The following OPCML variants were observed in gnomAD, a reference collection of about 807,000 sequenced individuals.
OPCML encodes the protein opioid-binding protein/cell adhesion molecule.
OPCML carries 13 observed loss-of-function variants against 37.8 expected under a neutral mutation model. The ratio of observed to expected loss-of-function variants is 0.34; its 90% CI spans 0.22 to 0.55. OPCML has a LOEUF of 0.55. OPCML is among the 20% of genes least tolerant of loss of function. OPCML has a pLI of 0.91. For missense variants in OPCML, 341 were observed against 435.6 expected, an observed-to-expected ratio of 0.78 and a Z score of 1.93; for synonymous variants, 176 against 168.8, an observed-to-expected ratio of 1.04 and a Z score of -0.33.
intron 1 of OPCML, among the ~76,000 whole-genome samples, chr11:133,402,101 C>T (rs1405761563): frequency 6.6e-6 from 1 of 152,110 alleles, no homozygotes; most frequent in Admixed American, 6.5e-5. Flanking sequence ...TTATAAAGAA[C>T]AGATATTTAT....
intron 4 of OPCML, among the ~76,000 whole-genome samples, chr11:132,459,236 T>C (rs928483396): frequency 2.0e-5 from 3 of 152,076 alleles, no homozygotes; most frequent in African/African-American, 4.8e-5. Context: ...GCTGTCAGCC[T>C]TGGACTAGAA....
At chr11:132,850,321 C>T (rs905446323) in intron 2 of OPCML, among the ~76,000 whole-genome samples, 1 of 152,192 alleles carries the variant, frequency 6.6e-6, no homozygotes, top group Non-Finnish European at 1.5e-5. Context: ...CCCTAGCCAT[C>T]TTGAGAAATT....
chr11:133,477,691 G>A (rs982175216), intron 1 of OPCML, among the ~76,000 whole-genome samples: 7 of 152,140 alleles, frequency 4.6e-5, no homozygotes, highest in African/African-American at 9.7e-5. Context: ...TGTCCATCAC[G>A]GGCCAGGCAT....
chr11:132,483,460 A>C (rs1336977409), intron 4 of OPCML, among the ~76,000 whole-genome samples: 2 of 152,308 alleles, frequency 1.3e-5, no homozygotes, highest in African/African-American at 4.8e-5. Flanking sequence ...GTGGGTAGGA[A>C]GAATCAATAT....
intron 1 of OPCML, among the ~76,000 whole-genome samples, chr11:133,153,615 C>T (rs1950017415): frequency 6.6e-6 from 1 of 152,160 alleles, no homozygotes; most frequent in Non-Finnish European, 1.5e-5. Flanking sequence ...CTCAGCTCTT[C>T]TTCCCTGAGA....
At chr11:132,709,316 C>A (rs1784521) in intron 2 of OPCML, among the ~76,000 whole-genome samples, 107,015 of 151,774 alleles carry the variant, frequency 0.71, 37,902 homozygotes, top group Non-Finnish European at 0.75. Context: ...AGAGTTGCAA[C>A]GATAATACAG....
At chr11:133,118,188 T>G in intron 1 of OPCML, 1 of 970,580 alleles carries the variant, frequency 1.0e-6, no homozygotes, top group Non-Finnish European at 1.2e-6. Context: ...CAGTGCCTGT[T>G]TCCATGTGTA....
At chr11:133,060,044 C>G (rs1420347898) in intron 1 of OPCML, among the ~76,000 whole-genome samples, 2 of 152,178 alleles carry the variant, frequency 1.3e-5, no homozygotes, top group Non-Finnish European at 2.9e-5. Flanking sequence ...AGATTTGCCA[C>G]AAACTTTCCA....
rs536368541 is a variant in OPCML at position 133,448,524 on chromosome 11, C to A, written c.61+83740G>T. ...CCAGGCTGGAGTGCAAAGGCGCGAT[C>A]TCGACTCACCGCAACCTCCACCTCC... On this transcript the variant is annotated intron_variant, in intron 1 of 7. Transcript: ENST00000524381. Among the ~76,000 whole-genome samples, 13 of 152,270 alleles carry A rather than the reference C, an allele frequency of 8.5e-5. 1 individual carries two copies. In the East Asian group the frequency reaches 2.3e-3, roughly 27 times the overall value.
intron 1 of OPCML, among the ~76,000 whole-genome samples, chr11:133,011,980 T>C (rs1347834225): frequency 1.3e-5 from 2 of 152,224 alleles, no homozygotes; most frequent in Non-Finnish European, 2.9e-5. Context: ...TGTTCTGTTA[T>C]AGTCTTATTT....
chr11:133,322,179 G>T (rs1388040152), intron 1 of OPCML, among the ~76,000 whole-genome samples: 2 of 152,156 alleles, frequency 1.3e-5, no homozygotes, highest in African/African-American at 4.8e-5. Context: ...CTCAGCATTT[G>T]AATCTACTTA....
intron 3 of OPCML, among the ~76,000 whole-genome samples, chr11:132,592,595 G>A (rs986697782): frequency 6.6e-6 from 1 of 152,206 alleles, no homozygotes; most frequent in African/African-American, 2.4e-5. Context: ...GAGTGAGCAT[G>A]CCCATAGCAA....
chr11:133,053,187 G>A (rs925052890), intron 1 of OPCML, among the ~76,000 whole-genome samples: 1 of 152,214 alleles, frequency 6.6e-6, no homozygotes, highest in African/African-American at 2.4e-5. Context: ...CTACACTGGT[G>A]ATAATGTCAG....
At chr11:132,791,056 G>A (rs371842863) in intron 2 of OPCML, among the ~76,000 whole-genome samples, 6 of 152,104 alleles carry the variant, frequency 3.9e-5, no homozygotes, top group Non-Finnish European at 5.9e-5. Flanking sequence ...CCGTCATTTC[G>A]CTGGACTGGC....
At chr11:132,636,895 TA>T (rs973130563) in intron 3 of OPCML, among the ~76,000 whole-genome samples, 2 of 152,034 alleles carry the variant, frequency 1.3e-5, no homozygotes, top group African/African-American at 4.8e-5. Context: ...ATTTGCAATC[TA>T]AAAAAAGAGA....
At position 132,427,178 on chromosome 11, in the gene OPCML, G is replaced by A. The variant is rs189588214; in HGVS notation, c.917-6885C>T. On this transcript the variant is annotated intron_variant, in intron 7 of 7. Transcript: ENST00000524381. ...AAAGAAAAAAAAAGCCCCTAGGCAA[G>A]TTGAGCTTGTTGACAGCACAGTGAG... 4.6e-5 allele frequency among the ~76,000 whole-genome samples: 7 copies of A among 152,312 alleles called. No individual in the cohort carries two copies. In the East Asian group the frequency reaches 1.2e-3, roughly 25 times the overall value.
chr11:132,788,517 A>G (rs923557366), intron 2 of OPCML, among the ~76,000 whole-genome samples: 10 of 152,252 alleles, frequency 6.6e-5, no homozygotes, highest in Admixed American at 5.2e-4. Flanking sequence ...TCCTCGAGAT[A>G]CCTGTCCTTA....
chr11:132,540,013 T>C (rs1354610416), intron 3 of OPCML, among the ~76,000 whole-genome samples: 1 of 152,088 alleles, frequency 6.6e-6, no homozygotes. Flanking sequence ...ACATTTCCAC[T>C]GGGAATTGTT....
chr11:133,197,322 T>C (rs1385547219), intron 1 of OPCML, among the ~76,000 whole-genome samples: 1 of 152,218 alleles, frequency 6.6e-6, no homozygotes, highest in East Asian at 1.9e-4. Context: ...TACATTGTCC[T>C]TTATCTAAGA....
Sources: allele counts gnomAD v4.1 joint callset (sites outside exome capture counted in the v4.1 genomes callset), GRCh38; gene constraint gnomAD v4.1.1; transcripts MANE v1.5; gene names NCBI Gene and HGNC (gene_info 2026-07-23, HGNC 2026-07-21).